The following CFAP46 variants were observed in gnomAD, a reference collection of about 807,000 sequenced individuals.
CFAP46 encodes cilia and flagella associated protein 46.
CFAP46 carries 245 observed loss-of-function variants against 325.7 expected under a neutral mutation model. The observed-to-expected ratio is 0.75, with a 90% CI of 0.68 to 0.84. The LOEUF is 0.84. Among genes scored for constraint, CFAP46 ranks in the 40% least tolerant of loss-of-function variants. CFAP46 has a pLI of 0.00. For missense variants in CFAP46, 3,346 were observed against 3,543.0 expected (o/e 0.94, Z 1.41); for synonymous variants, 1,523 against 1,495.9 (o/e 1.02, Z -0.42).
chr10:132,892,443 G>C, intron 24 of CFAP46, 26 bp from the exon 25 acceptor site: 1 of 1,546,728 alleles, frequency 6.5e-7, no homozygotes, highest in Non-Finnish European at 8.7e-7. Context: ...TAAACGACAC[G>C]TATATTTGAA....
Position 132,919,995 on chromosome 10 carries a change from G to GCCCTCGGGCTGAGCGA in CFAP46, c.1730+48_1730+63dup, listed in dbSNP as rs1392574584. 1.4e-5 allele frequency: 20 copies of GCCCTCGGGCTGAGCGA among 1,431,496 alleles called. No homozygotes were observed. Among genetic ancestry groups the GCCCTCGGGCTGAGCGA allele is most frequent in the Non-Finnish European group, 1.7e-5 (19 of 1,090,684 alleles). 88.7% of individuals were successfully genotyped at this position (1,431,496 alleles called of 1,614,324 possible). On this transcript the variant is annotated intron_variant, in intron 14 of 57. Transcript: ENST00000368586. This position sits in a 1 kb window ranked among gnomAD's most constrained non-coding sequence, Gnocchi z 9.7. ...GTCAGCTCAGCCGCCACAGACACTG[G>GCCCTCGGGCTGAGCGA]CCCTCGGGCTGAGCGACCCCCGGGC...
In CFAP46 at chr10:132,834,766, C is replaced by T. The variant is rs1265118768; in HGVS notation, c.6754G>A (p.Gly2252Ser). The change falls in exon 48 of 58, where the codon GGC (glycine) becomes AGC (serine). Residue 2252 changes from glycine (G) to serine (S), a missense_variant. Transcript: ENST00000368586. ...MALNIGSEPE[G>S]LQVEEKERPV... is the part of the protein sequence containing the mutation. ...CGCTCCTTCTCTTCCACCTGCAGGC[C>T]TTCTGGTTCCTACCGCAATCCAAAA... The T allele has an allele frequency of 6.2e-7, 1 of 1,611,366 alleles. No individual in the cohort carries two copies. The highest frequency in any genetic ancestry group is 1.1e-5 in the South Asian group (1 of 90,950).
intron 13 of CFAP46, among the ~76,000 whole-genome samples, chr10:132,921,761 G>A (rs1023645603): frequency 1.3e-5 from 2 of 152,222 alleles, no homozygotes; most frequent in Non-Finnish European, 2.9e-5. Context: ...AGGAGATGGC[G>A]TCCACAAGCC....
chr10:132,870,867 T>C (rs1313024296), intron 32 of CFAP46, among the ~76,000 whole-genome samples: 1 of 152,226 alleles, frequency 6.6e-6, no homozygotes, highest in Non-Finnish European at 1.5e-5. Flanking sequence ...ACAACAGATT[T>C]CCACTGTAGA....
intron 27 of CFAP46, among the ~76,000 whole-genome samples, chr10:132,882,643 C>T (rs866326666): frequency 2.6e-5 from 4 of 151,976 alleles, no homozygotes; most frequent in Non-Finnish European, 5.9e-5. Flanking sequence ...GTAAAATGGG[C>T]GGCAGCGGTG....
chr10:132,912,569 T>TC (rs1564798416), intron 19 of CFAP46, 86 bp downstream of exon 19: 47,180 of 840,280 alleles, frequency 0.056, 6,303 homozygotes, highest in Admixed American at 0.15. Context: ...CTCTCTCCTC[T>TC]TTCACCTCTC....
intron 50 of CFAP46, among the ~76,000 whole-genome samples, chr10:132,825,623 A>G (rs1427260546): frequency 6.6e-6 from 1 of 152,244 alleles, no homozygotes; most frequent in Non-Finnish European, 1.5e-5. Context: ...AGATTGATAA[A>G]TTAGACTATA....
Position 132,879,476 on chromosome 10 carries a change from AGCCCTCGGCGCCC to A in CFAP46, c.3942_3954del (p.Gly1315ThrfsTer20). The A allele has an allele frequency of 6.5e-7, 1 of 1,546,400 alleles. No homozygotes were observed. The highest frequency in any genetic ancestry group is 8.7e-7 in the Non-Finnish European group (1 of 1,145,430). On this transcript the variant is annotated frameshift_variant, in exon 29 of 58. Coordinates refer to ENST00000368586, the MANE Select transcript of CFAP46 (RefSeq NM_001200049.3). LOFTEE classifies it high-confidence loss of function. ...TAGGCTGCAAGGCAGCAGTCCTCGT[AGCCCTCGGCGCCC>A]GGCGACAGCACCAGGGCCAGCAGGA...
In CFAP46 at chr10:132,855,670, A is replaced by G. The variant is rs150843258; in HGVS notation, c.5574+1920T>C. On this transcript the variant is annotated intron_variant, in intron 39 of 57. Coordinates refer to ENST00000368586, the MANE Select transcript of CFAP46 (RefSeq NM_001200049.3). ...TTCCATTTATCTCCTTTCTTGGCTC[A>G]TGCAGCATACATCTGTATTCTGGTA... Among the ~76,000 whole-genome samples the G allele has an allele frequency of 4.5e-3, 678 of 152,212 alleles. 7 individuals carry two copies. Among genetic ancestry groups the G allele is most frequent in the African/African-American group, 0.015 (623 of 41,528 alleles).
rs551839452 is a variant in CFAP46, at chr10:132,895,917, G to A, written c.3219+3042C>T. On this transcript the variant is annotated intron_variant, in intron 24 of 57. Transcript: ENST00000368586. The stretch of plus-strand genomic sequence containing the variant: ...TCTGTGTGCCACATGAAGACACGGT[G>A]AGAAGGCAGCCAGGCTCTGTGTGCC... Among the ~76,000 whole-genome samples the A allele has an allele frequency of 4.4e-5, 5 of 113,914 alleles. 1 individual carries two copies. The highest frequency in any genetic ancestry group is 5.7e-4 in the South Asian group (2 of 3,520). The allele number at this position is 113,914 out of a possible 152,430, so 74.7% of individuals were successfully genotyped here. A position where few individuals can be genotyped will look rare whatever the true frequency, so the allele number is the denominator to read the frequency against.
At chr10:132,870,873 G>A (rs1327302727) in intron 32 of CFAP46, among the ~76,000 whole-genome samples, 2 of 152,232 alleles carry the variant, frequency 1.3e-5, no homozygotes, top group African/African-American at 2.4e-5. Flanking sequence ...GATTTCCACT[G>A]TAGACCGCAC....
At position 132,916,579 on chromosome 10, in the gene CFAP46, G is replaced by A. The variant is rs556874104; in HGVS notation, c.2090C>T (p.Pro697Leu). 57 of 1,547,540 alleles carry A rather than the reference G, an allele frequency of 3.7e-5. No individual in the cohort carries two copies. Among genetic ancestry groups the A allele is most frequent in the South Asian group, 3.1e-4 (26 of 83,868 alleles). The change falls in exon 17 of 58, where the codon CCG becomes CTG. Residue 697 changes from proline to leucine, a missense_variant. Transcript: ENST00000368586. ...TGTGATCCACTCAGCATTCACCTCC[G>A]GGGGCTCAGGCACGTAGCCAGCTGG... ...QHPAGYVPEP[P>L]EVNAEWITYR...
chr10:132,810,893 C>G (rs1847567120), intron 56 of CFAP46, 57 bp downstream of exon 56: 8 of 1,493,664 alleles, frequency 5.4e-6, no homozygotes, highest in Non-Finnish European at 7.3e-6. Flanking sequence ...CCACGCCCGT[C>G]TGTCTGACCT....
intron 41 of CFAP46, among the ~76,000 whole-genome samples, chr10:132,848,132 C>T (rs1480359248): frequency 1.3e-5 from 2 of 152,204 alleles, no homozygotes; most frequent in Admixed American, 1.3e-4. Context: ...GGACCGAGAC[C>T]ACTCGGTGTG....
At chr10:132,860,390 T>C (rs985546381) in intron 37 of CFAP46, 27 bp downstream of exon 37, 1 of 1,501,176 alleles carries the variant, frequency 6.7e-7, no homozygotes, top group Non-Finnish European at 9.1e-7. Context: ...TTCACGCTAA[T>C]GAACAGTGTT....
chr10:132,820,069 G>A (rs140806445), intron 50 of CFAP46, among the ~76,000 whole-genome samples: 203 of 151,610 alleles, frequency 1.3e-3, no homozygotes, highest in African/African-American at 4.8e-3. Flanking sequence ...ATCGAAGAAC[G>A]GGCCAAGGAC....
rs1008391673 is a variant in CFAP46, at chr10:132,816,328, CTTTT to C, written c.7118-1418_7118-1415del. On this transcript the variant is annotated intron_variant, in intron 50 of 57. Transcript: ENST00000368586. ...TTCTGCCTCCTTGCTCTGACTTCTT[CTTTT>C]TTTTTTTTTTTTTTTTTGAGACGGA... is the stretch of plus-strand genomic sequence containing the variant. Among the ~76,000 whole-genome samples the C allele has an allele frequency of 5.9e-5, 7 of 118,836 alleles. No individual in the cohort carries two copies. In the Admixed American group the frequency reaches 6.1e-4, roughly 10 times the overall value. The allele number at this position is 118,836 out of a possible 152,430, so 78.0% of individuals were successfully genotyped here. A position where few individuals can be genotyped will look rare whatever the true frequency, so the allele number is the denominator to read the frequency against.
intron 17 of CFAP46, among the ~76,000 whole-genome samples, chr10:132,915,266 T>C (rs1849619102): frequency 6.6e-6 from 1 of 152,240 alleles, no homozygotes; most frequent in Non-Finnish European, 1.5e-5. Context: ...TGCCCAGCCT[T>C]GGGCCTGGGT....
chr10:132,869,158 CTCT>C lies in CFAP46; in HGVS notation c.4610+113_4610+115del. 1 of 791,174 alleles carries C rather than the reference CTCT, an allele frequency of 1.3e-6. No individual in the cohort carries two copies. Among genetic ancestry groups the C allele is most frequent in the Non-Finnish European group, 1.9e-6 (1 of 539,696 alleles). The allele number at this position is 791,174 out of a possible 1,614,324, so 49.0% of individuals were successfully genotyped here. A position where few individuals can be genotyped will look rare whatever the true frequency, so the allele number is the denominator to read the frequency against. On this transcript the variant is annotated intron_variant, in intron 33 of 57. Coordinates refer to ENST00000368586, the MANE Select transcript of CFAP46 (RefSeq NM_001200049.3). The surrounding 1 kb of genome is among the most constrained non-coding windows in gnomAD (Gnocchi z 6.2). ...CACAGCCGTGTCCCCCAAGTGCTCA[CTCT>C]CCCCAGAGGGGCAGGAGTCCAGGGA...
Sources: allele counts gnomAD v4.1 joint callset (sites outside exome capture counted in the v4.1 genomes callset), GRCh38; gene constraint gnomAD v4.1.1; non-coding constraint Gnocchi (gnomAD v3.1); transcripts MANE v1.5; gene names NCBI Gene and HGNC (gene_info 2026-07-23, HGNC 2026-07-21).